The following JAKMIP2 variants were observed in gnomAD, a reference collection of about 807,000 sequenced individuals.
The protein encoded by JAKMIP2 is janus kinase and microtubule interacting protein 2.
JAKMIP2 carries 25 observed loss-of-function variants against 115.0 expected under a neutral mutation model. The ratio of observed to expected loss-of-function variants is 0.22; its 90% CI spans 0.16 to 0.30. JAKMIP2 has a LOEUF of 0.30. JAKMIP2 is among the 10% of genes least tolerant of loss of function. The pLI, the probability that JAKMIP2 is intolerant of heterozygous loss-of-function variation, is 1.00. For synonymous variants in JAKMIP2, 334 were observed against 343.6 expected, an observed-to-expected ratio of 0.97 and a Z score of 0.31; for missense variants, 642 against 957.6, an observed-to-expected ratio of 0.67 and a Z score of 4.35.
intron 1 of JAKMIP2, among the ~76,000 whole-genome samples, chr5:147,719,862 T>G (rs539332135): frequency 3.3e-5 from 5 of 152,212 alleles, no homozygotes; most frequent in East Asian, 1.9e-4. Flanking sequence ...AAAGTTAATA[T>G]TGTTATGTGT....
At chr5:147,642,406 G>A (rs1237339772) in intron 7 of JAKMIP2, among the ~76,000 whole-genome samples, 3 of 151,990 alleles carry the variant, frequency 2.0e-5, no homozygotes, top group African/African-American at 7.3e-5. Context: ...TGGGAATTTG[G>A]GGTTTATTCA....
At chr5:147,770,553 C>T (rs78657335) in intron 1 of JAKMIP2, among the ~76,000 whole-genome samples, 2,658 of 152,116 alleles carry the variant, frequency 0.017, 98 homozygotes, top group African/African-American at 0.061. Flanking sequence ...CCTCGAGTTG[C>T]GTGAATTTAC....
At chr5:147,693,656 TAA>T (rs145331000) in intron 1 of JAKMIP2, among the ~76,000 whole-genome samples, 3 of 149,436 alleles carry the variant, frequency 2.0e-5, no homozygotes, top group Non-Finnish European at 3.0e-5. Context: ...AATGTTACAA[TAA>T]AAAAAAAATT....
chr5:147,612,119 G>T (rs1490975252), intron 20 of JAKMIP2, 187 bp downstream of exon 20: 1 of 731,936 alleles, frequency 1.4e-6, no homozygotes. Context: ...TGAAGGCTGG[G>T]TTACTGATGG....
chr5:147,712,912 C>A (rs1187703322), intron 1 of JAKMIP2, among the ~76,000 whole-genome samples: 1 of 152,088 alleles, frequency 6.6e-6, no homozygotes, highest in African/African-American at 2.4e-5. Context: ...GAAATAAATT[C>A]TTTGTTGAGT....
chr5:147,688,218 T>C (rs1264408715), intron 1 of JAKMIP2, among the ~76,000 whole-genome samples: 2 of 152,228 alleles, frequency 1.3e-5, no homozygotes, highest in Non-Finnish European at 1.5e-5. Context: ...AGGCTATGTA[T>C]CATTCATTGT....
At chr5:147,605,968 C>T (rs1315010438) in intron 20 of JAKMIP2, among the ~76,000 whole-genome samples, 1 of 152,086 alleles carries the variant, frequency 6.6e-6, no homozygotes, top group Non-Finnish European at 1.5e-5. Flanking sequence ...TTGTTGGCTG[C>T]ATTATGTCTT....
At chr5:147,749,548 A>G (rs1217554279) in intron 1 of JAKMIP2, among the ~76,000 whole-genome samples, 1 of 152,020 alleles carries the variant, frequency 6.6e-6, no homozygotes, top group East Asian at 1.9e-4. Flanking sequence ...GTCACTTGAC[A>G]CTCTGTGAGT....
At chr5:147,694,227 T>A (rs1191052716) in intron 1 of JAKMIP2, among the ~76,000 whole-genome samples, 1 of 150,424 alleles carries the variant, frequency 6.6e-6, no homozygotes, top group Non-Finnish European at 1.5e-5. Flanking sequence ...CAAGTTTTTT[T>A]AGAAAAAACC....
At chr5:147,610,409 T>C (rs1433947790) in intron 20 of JAKMIP2, among the ~76,000 whole-genome samples, 1 of 152,224 alleles carries the variant, frequency 6.6e-6, no homozygotes, top group African/African-American at 2.4e-5. Context: ...GCTATTGCTT[T>C]CTGTTAGTTT....
intron 1 of JAKMIP2, among the ~76,000 whole-genome samples, chr5:147,712,080 C>G (rs1327372768): frequency 6.6e-6 from 1 of 152,196 alleles, no homozygotes; most frequent in Non-Finnish European, 1.5e-5. Flanking sequence ...GTCTTAGAAT[C>G]TGAATATTTA....
intron 16 of JAKMIP2, among the ~76,000 whole-genome samples, chr5:147,624,691 A>C (rs574325768): frequency 1.3e-5 from 2 of 152,204 alleles, no homozygotes; most frequent in Non-Finnish European, 2.9e-5. Context: ...AAATTATTAT[A>C]ATGAATCTCT....
intron 19 of JAKMIP2, among the ~76,000 whole-genome samples, chr5:147,615,639 G>A (rs763063428): frequency 2.0e-5 from 3 of 152,126 alleles, no homozygotes; most frequent in Non-Finnish European, 2.9e-5. Flanking sequence ...GGGAGAGCTA[G>A]AACTAGGTCC....
chr5:147,641,590 T>C, intron 8 of JAKMIP2, 118 bp downstream of exon 8: 1 of 660,158 alleles, frequency 1.5e-6, no homozygotes, highest in Non-Finnish European at 2.7e-6. Context: ...ATGCCCATGG[T>C]TTGCTGCAAC....
chr5:147,778,301 T>G (rs1288808334), intron 1 of JAKMIP2, among the ~76,000 whole-genome samples: 1 of 152,146 alleles, frequency 6.6e-6, no homozygotes, highest in African/African-American at 2.4e-5. Context: ...TTTGTTTTGC[T>G]TTGTTTTTGT....
intron 1 of JAKMIP2, among the ~76,000 whole-genome samples, chr5:147,743,993 AACTTCTTTCCTT>A (rs1754248356): frequency 1.4e-5 from 1 of 71,062 alleles, no homozygotes; most frequent in African/African-American, 5.7e-5. Flanking sequence ...CTTCCTTCCT[AACTTCTTTCCTT>A]CCTTCCTTCC....
chr5:147,726,932 C>T (rs540878906), intron 1 of JAKMIP2, among the ~76,000 whole-genome samples: 1 of 152,224 alleles, frequency 6.6e-6, no homozygotes, highest in South Asian at 2.1e-4. Context: ...ATTGGCTGCT[C>T]TAGACTCCCT....
intron 1 of JAKMIP2, among the ~76,000 whole-genome samples, chr5:147,702,560 G>GAAAA (rs1207280465): frequency 9.3e-6 from 1 of 107,448 alleles, no homozygotes; most frequent in African/African-American, 3.6e-5. Context: ...AAAGAAGAAA[G>GAAAA]AAAGAAAGAA....
At chr5:147,749,496 CTCT>C (rs973898503) in intron 1 of JAKMIP2, among the ~76,000 whole-genome samples, 1 of 152,184 alleles carries the variant, frequency 6.6e-6, no homozygotes, top group Non-Finnish European at 1.5e-5. Context: ...TATTCCCTTA[CTCT>C]TCTTTTCTTC....
Sources: gnomAD v4.1 joint callset for allele counts (sites outside exome capture counted in the v4.1 genomes callset) on GRCh38, gnomAD v4.1.1 for gene constraint, MANE v1.5 for transcripts, NCBI Gene and HGNC (gene_info 2026-07-23, HGNC 2026-07-21) for gene names.